Variants in EHBP1 observed in about 807,000 individuals in gnomAD.
The protein encoded by EHBP1 is EH domain binding protein 1, also known as EH domain-binding protein 1.
Under a neutral mutation model 144.0 loss-of-function variants are expected in EHBP1, and 55 were observed. That is an observed-to-expected ratio of 0.38 (90% CI 0.31 to 0.48). EHBP1 has a LOEUF of 0.48. Ranked by LOEUF, EHBP1 falls within the 20% of genes least tolerant of loss-of-function variation. The pLI, the probability that EHBP1 is intolerant of heterozygous loss-of-function variation, is 0.98. For missense variants in EHBP1, 1,200 were observed against 1,364.2 expected, an observed-to-expected ratio of 0.88 and a Z score of 1.90; for synonymous variants, 469 against 472.7, an observed-to-expected ratio of 0.99 and a Z score of 0.10.
chr2:62,883,746 T>C (rs1230182869), intron 10 of EHBP1, among the ~76,000 whole-genome samples: 2 of 152,164 alleles, frequency 1.3e-5, no homozygotes, highest in East Asian at 3.9e-4. Context: ...GGAGGATTGC[T>C]TGAGCCTAGG....
At chr2:62,738,609 T>A (rs986776356) in intron 2 of EHBP1, among the ~76,000 whole-genome samples, 1 of 152,178 alleles carries the variant, frequency 6.6e-6, no homozygotes, top group African/African-American at 2.4e-5. Context: ...TAGGACCTTT[T>A]TTCACTGCTG....
At chr2:63,010,366 G>C (rs978227448) in intron 19 of EHBP1, among the ~76,000 whole-genome samples, 6 of 151,060 alleles carry the variant, frequency 4.0e-5, no homozygotes, top group Non-Finnish European at 8.9e-5. Flanking sequence ...TGTTTAAAAA[G>C]AAATAAAGAA....
intron 10 of EHBP1, among the ~76,000 whole-genome samples, chr2:62,915,719 T>A (rs201689320): frequency 0.097 from 14,668 of 151,598 alleles, 884 homozygotes; most frequent in Non-Finnish European, 0.13. Context: ...TTAAAAAAAA[T>A]TTTTTTTAAA....
chr2:62,801,637 T>C (rs556560139), intron 5 of EHBP1, among the ~76,000 whole-genome samples: 9 of 152,228 alleles, frequency 5.9e-5, no homozygotes, highest in Non-Finnish European at 1.2e-4. Context: ...TCTTAGTAAA[T>C]TTATTACAAA....
At chr2:62,997,331 G>C (rs536383396) in intron 19 of EHBP1, among the ~76,000 whole-genome samples, 2 of 152,040 alleles carry the variant, frequency 1.3e-5, no homozygotes, top group South Asian at 4.2e-4. Flanking sequence ...AGAGCACCAA[G>C]TTAGCTCCTA....
chr2:62,965,668 CAT>C, intron 14 of EHBP1, among the ~76,000 whole-genome samples: 1 of 152,286 alleles, frequency 6.6e-6, no homozygotes, highest in Admixed American at 6.5e-5. Context: ...CAGGGTGTTT[CAT>C]GCAGTCTTGT....
intron 2 of EHBP1, among the ~76,000 whole-genome samples, chr2:62,739,321 A>G (rs1439470270): frequency 2.0e-5 from 3 of 152,142 alleles, no homozygotes; most frequent in Admixed American, 2.0e-4. Context: ...CAGTAATTAT[A>G]GAAGTGTGTT....
At chr2:62,678,862 C>A (rs1176787686) in intron 1 of EHBP1, among the ~76,000 whole-genome samples, 1 of 151,716 alleles carries the variant, frequency 6.6e-6, no homozygotes, top group Non-Finnish European at 1.5e-5. Flanking sequence ...TTTTTATAAC[C>A]CATTTCTTAC....
intron 5 of EHBP1, among the ~76,000 whole-genome samples, chr2:62,775,440 T>C (rs1447450145): frequency 6.6e-6 from 1 of 152,212 alleles, no homozygotes; most frequent in East Asian, 1.9e-4. Flanking sequence ...AGAAATTCTG[T>C]TGGTATATTG....
chr2:62,748,789 T>C lies in EHBP1; in HGVS notation c.162+1337T>C, dbSNP rs1293414955. Among the ~76,000 whole-genome samples, 7 of 152,308 alleles carry C rather than the reference T, an allele frequency of 4.6e-5. No individual in the cohort carries two copies. In the South Asian group the frequency reaches 1.0e-3, roughly 23 times the overall value. On this transcript the variant is annotated intron_variant, in intron 3 of 22. Transcript: ENST00000431489. ...ATAAAGAAAACTTTATTAGTTTTAATTGAAATCCTACAATTTTCTGTATTT... is the reference window on the plus strand; with the variant it reads ...ATAAAGAAAACTTTATTAGTTTTAACTGAAATCCTACAATTTTCTGTATTT...
At chr2:62,833,755 CTTA>C (rs994029158) in intron 7 of EHBP1, among the ~76,000 whole-genome samples, 1 of 152,100 alleles carries the variant, frequency 6.6e-6, no homozygotes, top group African/African-American at 2.4e-5. Context: ...GCTTTTGAGT[CTTA>C]TTATTTAAGA....
At chr2:62,910,231 A>G (rs1194871243) in intron 10 of EHBP1, among the ~76,000 whole-genome samples, 2 of 152,170 alleles carry the variant, frequency 1.3e-5, no homozygotes, top group Non-Finnish European at 2.9e-5. Flanking sequence ...AGTGAATAAT[A>G]TGTTATCGTA....
chr2:62,735,165 GA>G (rs2038002224), intron 2 of EHBP1, among the ~76,000 whole-genome samples: 1 of 152,152 alleles, frequency 6.6e-6, no homozygotes, highest in African/African-American at 2.4e-5. Flanking sequence ...AAAGTGCTGG[GA>G]TTACAGGAGT....
At chr2:62,769,752 G>A (rs944696734) in intron 4 of EHBP1, among the ~76,000 whole-genome samples, 14 of 144,064 alleles carry the variant, frequency 9.7e-5, no homozygotes, top group African/African-American at 3.6e-4. Flanking sequence ...CTGACTCCAA[G>A]CTATACTGCA....
upstream of EHBP1, among the ~76,000 whole-genome samples, chr2:62,705,461 C>T (rs1036699046): frequency 5.9e-5 from 9 of 151,990 alleles, no homozygotes; most frequent in Non-Finnish European, 1.0e-4. Context: ...ATCAGAAGAA[C>T]GGGCGGGATC....
At chr2:62,837,875 C>A (rs1174847106) in intron 7 of EHBP1, among the ~76,000 whole-genome samples, 333 of 149,040 alleles carry the variant, frequency 2.2e-3, no homozygotes, top group Non-Finnish European at 3.9e-3. Context: ...ACTTAGACTC[C>A]CACACATTAA....
chr2:62,693,266 C>G (rs150574150), intron 1 of EHBP1, among the ~76,000 whole-genome samples: 1 of 152,000 alleles, frequency 6.6e-6, no homozygotes, highest in Non-Finnish European at 1.5e-5. Flanking sequence ...CATCTGTTGA[C>G]GGACACTTAG....
intron 19 of EHBP1, among the ~76,000 whole-genome samples, chr2:63,011,656 A>G (rs1054478365): frequency 6.6e-6 from 1 of 151,992 alleles, no homozygotes; most frequent in African/African-American, 2.4e-5. Context: ...TATTTTAAAC[A>G]TGGTTTCAGG....
intron 2 of EHBP1, among the ~76,000 whole-genome samples, chr2:62,712,235 G>A (rs188281029): frequency 7.6e-4 from 115 of 152,282 alleles, no homozygotes; most frequent in Middle Eastern, 6.8e-3. Context: ...GAGAAGCAGG[G>A]TACATGGGTA....
Sources: gnomAD v4.1 joint callset for allele counts (sites outside exome capture counted in the v4.1 genomes callset) on GRCh38, gnomAD v4.1.1 for gene constraint, MANE v1.5 for transcripts, NCBI Gene and HGNC (gene_info 2026-07-23, HGNC 2026-07-21) for gene names.